SLU7: variants seen among roughly 807,000 people sequenced by gnomAD.
SLU7 encodes the protein spliceosome associated SLU7, also known as pre-mRNA-splicing factor SLU7.
SLU7 carries 60 observed loss-of-function variants against 87.0 expected under a neutral mutation model. The observed-to-expected ratio is 0.69, with a 90% confidence interval of 0.56 to 0.86. The LOEUF is 0.86. Ranked by LOEUF, SLU7 falls within the 40% of genes least tolerant of loss-of-function variation. The pLI, the probability that SLU7 is intolerant of heterozygous loss-of-function variation, is 0.00. For missense variants in SLU7, 507 were observed against 686.6 expected (o/e 0.74, Z 2.92); for synonymous variants, 197 against 222.0 (o/e 0.89, Z 1.00).
At chr5:160,406,866 T>C (rs1264427660) in intron 11 of SLU7, among the ~76,000 whole-genome samples, 1 of 152,244 alleles carries the variant, frequency 6.6e-6, no homozygotes, top group Non-Finnish European at 1.5e-5. Context: ...ATTCCTCTTA[T>C]CTTTCTATAC....
In SLU7 at chr5:160,414,485, T is replaced by TAAA; in HGVS notation, c.171-16_171-14dup. On this transcript the variant is annotated splice_polypyrimidine_tract_variant and intron_variant, in intron 2 of 15. Transcript: ENST00000297151. ...GGGGTTGATGTCTCTGTAATTAAAG[T>TAAA]AAAAAAAAAAAAAATTTAAGGATAA... 16 of 1,160,628 alleles carry TAAA rather than the reference T, an allele frequency of 1.4e-5. No homozygotes were observed. The highest frequency in any genetic ancestry group is 5.4e-5 in the South Asian group (3 of 55,932). 71.9% of individuals were successfully genotyped at this position (1,160,628 alleles called of 1,614,324 possible).
At chr5:160,414,803 T>A (rs1165827768) in intron 2 of SLU7, among the ~76,000 whole-genome samples, 1 of 152,180 alleles carries the variant, frequency 6.6e-6, no homozygotes, top group Non-Finnish European at 1.5e-5. Flanking sequence ...TATAGTCAAT[T>A]AATTAAAATA....
chr5:160,404,408 G>T (rs1486125902), intron 15 of SLU7, 32 bp downstream of exon 15: 1 of 1,286,796 alleles, frequency 7.8e-7, no homozygotes, highest in East Asian at 2.3e-5. Context: ...ACTGCTACTT[G>T]TCACTTTTAC....
At chr5:160,411,091 C>A (rs13177311) in intron 6 of SLU7, among the ~76,000 whole-genome samples, 52,224 of 152,050 alleles carry the variant, frequency 0.34, 9,553 homozygotes, top group Middle Eastern at 0.41. Flanking sequence ...TGGTCTCGAT[C>A]TCCTGACCTT....
At chr5:160,403,952 C>T (rs1200612569) in intron 15 of SLU7, among the ~76,000 whole-genome samples, 1 of 152,202 alleles carries the variant, frequency 6.6e-6, no homozygotes, top group Middle Eastern at 3.2e-3. Context: ...ACCTACACCT[C>T]ACAATATCTC....
Position 160,410,991 on chromosome 5 carries a change from G to A in SLU7, c.639+1460C>T, listed in dbSNP as rs7723365. ...ACCCATTCTCCTGCCTCAGCCTCCC[G>A]AGTAGCTGGGACTACAGGCGCCCGC... On this transcript the variant is annotated intron_variant, in intron 6 of 15. Coordinates refer to ENST00000297151, the MANE Select transcript of SLU7 (RefSeq NM_006425.5). 9.1e-3 allele frequency among the ~76,000 whole-genome samples: 1,365 copies of A among 150,424 alleles called. 21 individuals carry two copies. Among genetic ancestry groups the A allele is most frequent in the African/African-American group, 0.031 (1,273 of 40,880 alleles).
At chr5:160,413,796 T>A (rs984870303) in intron 4 of SLU7, 103 bp downstream of exon 4, 4 of 970,046 alleles carry the variant, frequency 4.1e-6, no homozygotes, top group Non-Finnish European at 6.1e-6. Flanking sequence ...ATTTAACTTG[T>A]ACCTAAATAT....
intron 6 of SLU7, among the ~76,000 whole-genome samples, chr5:160,411,292 C>T (rs750809616): frequency 2.4e-4 from 37 of 152,138 alleles, no homozygotes; most frequent in Non-Finnish European, 4.6e-4. Flanking sequence ...AGCACAGTGA[C>T]GTGATCTCGG....
chr5:160,409,826 G>C (rs566471132), intron 6 of SLU7, among the ~76,000 whole-genome samples: 114 of 152,202 alleles, frequency 7.5e-4, no homozygotes, highest in African/African-American at 2.7e-3. Flanking sequence ...GAGACAGATA[G>C]GATAAGGGTA....
At position 160,402,814 on chromosome 5, in the gene SLU7, G is replaced by C. The variant is rs994666475; in HGVS notation, c.*471C>G. 1 of 152,044 alleles carries C rather than the reference G, an allele frequency of 6.6e-6. No homozygotes were observed. Among genetic ancestry groups the C allele is most frequent in the Non-Finnish European group, 1.5e-5 (1 of 68,090 alleles). 9.4% of individuals were successfully genotyped at this position (152,044 alleles called of 1,614,324 possible). The stretch of plus-strand genomic sequence containing the variant: ...GGGTGGATCACAAGGTCAGGAGATC[G>C]AGACCATCCTGGCTAACACGATGAA... On this transcript the variant is annotated 3_prime_UTR_variant, in exon 16 of 16. Transcript: ENST00000297151.
At chr5:160,408,627 CAG>C (rs764540229) in intron 7 of SLU7, 21 bp downstream of exon 7, 21 of 1,493,674 alleles carry the variant, frequency 1.4e-5, no homozygotes, top group Non-Finnish European at 1.9e-5. Context: ...AACATATACT[CAG>C]AGACAGCAAA....
In SLU7 at chr5:160,413,922, G is replaced by T; in HGVS notation, c.382C>A (p.His128Asn). ...GACENCGAMT[H>N]KKKDCFERPR... is the part of the protein sequence containing the mutation. ...ACCTCAAAGCAGTCTTTCTTTTTGT[G>T]TGTCATGGCCCCACAATTTTCACAT... is the stretch of plus-strand genomic sequence containing the variant. Residue 128 changes from histidine (H) to asparagine (N), a missense_variant, in exon 4 of 16, where the codon CAC (histidine) becomes AAC (asparagine). By Grantham distance (68) the His-to-Asn change is moderately conservative. Coordinates refer to ENST00000297151, the MANE Select transcript of SLU7 (RefSeq NM_006425.5). The T allele has an allele frequency of 6.3e-7, 1 of 1,598,364 alleles. No individual in the cohort carries two copies. The highest frequency in any genetic ancestry group is 8.5e-7 in the Non-Finnish European group (1 of 1,174,472).
rs762449614 is a variant in SLU7, at chr5:160,404,875, A to G, written c.1398T>C (p.Ser466=). The part of the protein sequence containing the change: ...TGEAGKEIVN[S]EECIINEITG... Reference sequence around the variant, plus strand: ...TTATCTCATTTATAATACACTCCTCAGAGTTCTGTGGGAAATACATGTAAT... The same window carrying G: ...TTATCTCATTTATAATACACTCCTCGGAGTTCTGTGGGAAATACATGTAAT... The change falls in exon 14 of 16, where the codon TCT becomes TCC. Residue 466 remains serine, a synonymous_variant. Transcript: ENST00000297151. 1 of 1,606,962 alleles carries G rather than the reference A, an allele frequency of 6.2e-7. No homozygotes were observed. The highest frequency in any genetic ancestry group is 1.1e-5 in the South Asian group (1 of 90,890).
In SLU7 at chr5:160,408,514, C is replaced by CT. The variant is rs529237906; in HGVS notation, c.688-55dup. 1,946 of 1,549,216 alleles carry CT rather than the reference C, an allele frequency of 1.3e-3. 5 individuals carry two copies. Among genetic ancestry groups the CT allele is most frequent in the Non-Finnish European group, 1.3e-3 (1,515 of 1,141,984 alleles). On this transcript the variant is annotated intron_variant, in intron 7 of 15. Transcript: ENST00000297151. Reference sequence around the variant, plus strand: ...GAAGAAAAGAAAGCAGCATGTAGTTCTTTTTTTTCCCCTTTCCCTTTAACC... The same window carrying CT: ...GAAGAAAAGAAAGCAGCATGTAGTTCTTTTTTTTTCCCCTTTCCCTTTAACC...
chr5:160,411,559 T>C (rs558414786), intron 6 of SLU7, among the ~76,000 whole-genome samples: 3 of 152,246 alleles, frequency 2.0e-5, no homozygotes, highest in Non-Finnish European at 4.4e-5. Flanking sequence ...CTTACAATGT[T>C]AACTTGCCTG....
chr5:160,407,730 T>C lies in SLU7; in HGVS notation c.985+16A>G, dbSNP rs1472167437. On this transcript the variant is annotated intron_variant, in intron 10 of 15. Transcript: ENST00000297151. This position sits in a 1 kb window ranked among gnomAD's most constrained non-coding sequence, Gnocchi z 4.2. ...TGAGCTGATATAAAATGGCTTGACA[T>C]AGAGGAAACACTTACACTGTGTCTG... 5.6e-6 allele frequency: 9 copies of C among 1,609,662 alleles called. No individual in the cohort carries two copies. The highest frequency in any genetic ancestry group is 6.8e-6 in the Non-Finnish European group (8 of 1,177,478).
chr5:160,407,378 G>T lies in SLU7; in HGVS notation c.1125+98C>A. 1 of 1,005,378 alleles carries T rather than the reference G, an allele frequency of 9.9e-7. No individual in the cohort carries two copies. Among genetic ancestry groups the T allele is most frequent in the Non-Finnish European group, 1.4e-6 (1 of 689,740 alleles). The allele number at this position is 1,005,378 out of a possible 1,614,324, so 62.3% of individuals were successfully genotyped here. A position where few individuals can be genotyped will look rare whatever the true frequency, so the allele number is the denominator to read the frequency against. ...GGACTATTCTTCATGGATTAAGAGG[G>T]CTCTCTTTGCATTATTTTCCAAATG... On this transcript the variant is annotated intron_variant, in intron 11 of 15. Coordinates refer to ENST00000297151, the MANE Select transcript of SLU7 (RefSeq NM_006425.5). The surrounding 1 kb of genome is among the most constrained non-coding windows in gnomAD (Gnocchi z 4.2).
At chr5:160,416,009 C>T (rs1426262812) in intron 1 of SLU7, among the ~76,000 whole-genome samples, 1 of 152,164 alleles carries the variant, frequency 6.6e-6, no homozygotes, top group Non-Finnish European at 1.5e-5. Flanking sequence ...TCTCCTGCCT[C>T]AGTCTCCCGA....
At chr5:160,411,602 C>G (rs1175994913) in intron 6 of SLU7, among the ~76,000 whole-genome samples, 1 of 152,150 alleles carries the variant, frequency 6.6e-6, no homozygotes, top group Non-Finnish European at 1.5e-5. Context: ...TAACTGCTTA[C>G]TTGGTAATTA....
Sources: gnomAD v4.1 joint callset for allele counts (sites outside exome capture counted in the v4.1 genomes callset) on GRCh38, gnomAD v4.1.1 for gene constraint, Gnocchi (gnomAD v3.1) non-coding constraint, MANE v1.5 for transcripts, NCBI Gene and HGNC (gene_info 2026-07-23, HGNC 2026-07-21) for gene names.